SYK: variants seen among roughly 807,000 people sequenced by gnomAD.
SYK encodes spleen associated tyrosine kinase, also known as tyrosine-protein kinase SYK.
A neutral mutation model predicts 77.8 loss-of-function variants in SYK; 16 were observed. The ratio of observed to expected loss-of-function variants is 0.21; its 90% confidence interval spans 0.14 to 0.31. The LOEUF (loss-of-function observed/expected upper bound fraction) is 0.31. Ranked by LOEUF, SYK falls within the 10% of genes least tolerant of loss-of-function variation. The pLI is 1.00. For synonymous variants in SYK, 312 were observed against 308.7 expected, an observed-to-expected ratio of 1.01 and a Z score of -0.11; for missense variants, 529 against 814.4, an observed-to-expected ratio of 0.65 and a Z score of 4.26.
At chr9:90,886,338 A>G (rs1032636101) in intron 11 of SYK, among the ~76,000 whole-genome samples, 1 of 152,270 alleles carries the variant, frequency 6.6e-6, no homozygotes, top group Non-Finnish European at 1.5e-5. Context: ...CAGGAAAAAA[A>G]GGAACTCTTA....
At chr9:90,881,756 C>T (rs146430001) in intron 11 of SYK, among the ~76,000 whole-genome samples, 28 of 151,828 alleles carry the variant, frequency 1.8e-4, no homozygotes, top group African/African-American at 6.5e-4. Flanking sequence ...CGCTGGCACT[C>T]GGGAAACCAT....
chr9:90,862,283 A>G lies in SYK; in HGVS notation c.656A>G (p.Asp219Gly), dbSNP rs1204905426. The change falls in exon 4 of 14, where the codon GAC becomes GGC. Residue 219 changes from aspartate to glycine, a missense_variant. Physicochemically the swap from Asp to Gly is moderately conservative, Grantham distance 94. Around this residue, in one of 2 missense-constraint regions of SYK, gnomAD observed 321 missense variants for 433.1 expected, o/e 0.74. Coordinates refer to ENST00000375754, the MANE Select transcript of SYK (RefSeq NM_003177.7). ...HEGKVLHYRI[D>G]KDKTGKLSIP... ...GGGAAGGTGCTGCACTATCGCATCG[A>G]CAAAGACAAGACAGGGAAGCTCTCC... 6.2e-6 allele frequency: 10 copies of G among 1,614,140 alleles called. No individual in the cohort carries two copies. Among genetic ancestry groups the G allele is most frequent in the Non-Finnish European group, 8.5e-6 (10 of 1,179,986 alleles).
intron 13 of SYK, among the ~76,000 whole-genome samples, chr9:90,891,406 T>A (rs1361534464): frequency 6.6e-6 from 1 of 152,010 alleles, no homozygotes; most frequent in Non-Finnish European, 1.5e-5. Flanking sequence ...CTCAGCCTTG[T>A]TGCCTGCTTT....
intron 11 of SYK, among the ~76,000 whole-genome samples, chr9:90,884,331 G>T (rs1171934564): frequency 4.4e-5 from 6 of 135,818 alleles, no homozygotes; most frequent in Admixed American, 1.5e-4. Flanking sequence ...ACACATACGT[G>T]TATATATACA....
chr9:90,880,157 G>A (rs140785235), intron 11 of SYK, among the ~76,000 whole-genome samples: 2 of 152,340 alleles, frequency 1.3e-5, no homozygotes, highest in African/African-American at 4.8e-5. Flanking sequence ...GCAGTGGTCA[G>A]AGACCCCACC....
At chr9:90,840,152 C>G (rs1423503340) in intron 1 of SYK, among the ~76,000 whole-genome samples, 1 of 152,132 alleles carries the variant, frequency 6.6e-6, no homozygotes, top group African/African-American at 2.4e-5. Flanking sequence ...GCAAGTCCTG[C>G]GGAGGACTCC....
chr9:90,878,746 G>A lies in SYK; in HGVS notation c.1392-18G>A, dbSNP rs1220796181. 2.5e-6 allele frequency: 4 copies of A among 1,594,654 alleles called. No individual in the cohort carries two copies. The African/African-American group carries it at 4.0e-5, about 16-fold the overall frequency. Reference sequence around the variant, plus strand: ...GGTCACTGTCTGTTATAGCTGATGAGATCATTATGACTTTCAGACATGTCA... The same window carrying A: ...GGTCACTGTCTGTTATAGCTGATGAAATCATTATGACTTTCAGACATGTCA... On this transcript the variant is annotated intron_variant, in intron 10 of 13. Coordinates refer to ENST00000375754, the MANE Select transcript of SYK (RefSeq NM_003177.7).
chr9:90,814,904 G>A (rs1442353428), intron 1 of SYK, among the ~76,000 whole-genome samples: 1 of 151,982 alleles, frequency 6.6e-6, no homozygotes, highest in African/African-American at 2.4e-5. Flanking sequence ...GAACTGACAT[G>A]GTTCCCAGTT....
At chr9:90,881,759 G>A (rs1828167787) in intron 11 of SYK, among the ~76,000 whole-genome samples, 1 of 151,954 alleles carries the variant, frequency 6.6e-6, no homozygotes. Context: ...TGGCACTCGG[G>A]AAACCATGCG....
chr9:90,881,917 TGCTCCGCAGG>T, intron 11 of SYK, among the ~76,000 whole-genome samples: 1 of 152,302 alleles, frequency 6.6e-6, no homozygotes, highest in Admixed American at 6.5e-5. Context: ...GCCTGACGAC[TGCTCCGCAGG>T]GTTTGGTCCA....
chr9:90,863,151 A>T (rs185917939), intron 4 of SYK, among the ~76,000 whole-genome samples: 2 of 152,228 alleles, frequency 1.3e-5, no homozygotes, highest in East Asian at 3.8e-4. Context: ...CATCACAGCT[A>T]CACTGGCTGA....
In SYK at chr9:90,852,980, G is replaced by A. The variant is rs544833635; in HGVS notation, c.578+7386G>A. ...CCCTCCACCACGACACTGGGCCTAC[G>A]CAGCATGATCTTGATTTTGTTTTCA... On this transcript the variant is annotated intron_variant, in intron 3 of 13. Transcript: ENST00000375754. Among the ~76,000 whole-genome samples the A allele has an allele frequency of 4.6e-5, 7 of 152,216 alleles. No individual in the cohort carries two copies. In the East Asian group the frequency reaches 7.7e-4, roughly 17 times the overall value.
chr9:90,817,709 C>G (rs757809947), intron 1 of SYK, among the ~76,000 whole-genome samples: 32 of 152,204 alleles, frequency 2.1e-4, no homozygotes, highest in Non-Finnish European at 4.3e-4. Flanking sequence ...ATTTGTTTCT[C>G]CTGTTACTTC....
At chr9:90,832,749 A>C (rs191010014) in intron 1 of SYK, among the ~76,000 whole-genome samples, 1 of 152,222 alleles carries the variant, frequency 6.6e-6, no homozygotes, top group African/African-American at 2.4e-5. Context: ...TCCATTGCAC[A>C]TGCTATATCA....
In SYK at chr9:90,891,711, T is replaced by C. The variant is rs1828799767; in HGVS notation, c.1835+3084T>C. Among the ~76,000 whole-genome samples the C allele has an allele frequency of 2.6e-5, 4 of 152,150 alleles. No individual in the cohort carries two copies. The South Asian group carries it at 8.3e-4, about 32-fold the overall frequency. On this transcript the variant is annotated intron_variant, in intron 13 of 13. Coordinates refer to ENST00000375754, the MANE Select transcript of SYK (RefSeq NM_003177.7). ...ATCACTTTGTCTAAACATAAGAAAT[T>C]CAATGAGGTGCAGTTGAATGAAAAA...
intron 1 of SYK, among the ~76,000 whole-genome samples, chr9:90,824,497 C>A (rs895887695): frequency 6.6e-6 from 1 of 152,006 alleles, no homozygotes. Flanking sequence ...TCAAACCCAA[C>A]AACGTATGAA....
chr9:90,816,632 A>G (rs776711328), intron 1 of SYK, among the ~76,000 whole-genome samples: 10 of 152,214 alleles, frequency 6.6e-5, no homozygotes, highest in Non-Finnish European at 1.3e-4. Context: ...CCATCATCAT[A>G]AATGCTTATC....
intron 4 of SYK, among the ~76,000 whole-genome samples, chr9:90,863,398 A>G (rs888735799): frequency 6.6e-6 from 1 of 152,188 alleles, no homozygotes; most frequent in Admixed American, 6.5e-5. Context: ...GAAAGGACTC[A>G]ACTCAAAATC....
Position 90,897,865 on chromosome 9 carries a change from T to A in SYK, c.*2265T>A. The A allele has an allele frequency of 4.5e-6, 1 of 224,444 alleles. No individual in the cohort carries two copies. Among genetic ancestry groups the A allele is most frequent in the Non-Finnish European group, 8.9e-6 (1 of 112,712 alleles). 13.9% of individuals were successfully genotyped at this position (224,444 alleles called of 1,614,324 possible). On this transcript the variant is annotated 3_prime_UTR_variant, in exon 14 of 14. Transcript: ENST00000375754. ...GGAAGTCTTTTCTAGTGAAAATGTG[T>A]CTTGTGGTCAGGAATAATTATCCTT...
Sources: gnomAD v4.1 joint callset for allele counts (sites outside exome capture counted in the v4.1 genomes callset) on GRCh38, gnomAD v4.1.1 for gene constraint, gnomAD v4.1.1 regional missense constraint, MANE v1.5 for transcripts, NCBI Gene and HGNC (gene_info 2026-07-23, HGNC 2026-07-21) for gene names.